Variants in CATSPERT observed in about 807,000 individuals in gnomAD.
CATSPERT encodes the protein cation channel sperm-associated targeting subunit tau.
the CATSPERT span, among the ~76,000 whole-genome samples, chr2:201,610,300 G>A: frequency 1.3e-5 from 2 of 151,390 alleles, no homozygotes; most frequent in Non-Finnish European, 2.9e-5. Flanking sequence ...TAAAATATAT[G>A]AAAAAAAATT....
the CATSPERT span, among the ~76,000 whole-genome samples, chr2:201,506,185 C>T: frequency 5.9e-5 from 9 of 152,038 alleles, no homozygotes; most frequent in African/African-American, 1.4e-4. Context: ...GAGAATGGCG[C>T]GAACCCGGGA....
At chr2:201,602,060 A>G in the CATSPERT span, among the ~76,000 whole-genome samples, 1 of 152,136 alleles carries the variant, frequency 6.6e-6, no homozygotes, top group Non-Finnish European at 1.5e-5. Flanking sequence ...TGGACACAAT[A>G]TAAGTAAAAG....
At chr2:201,589,607 A>C in the CATSPERT span, among the ~76,000 whole-genome samples, 1 of 152,178 alleles carries the variant, frequency 6.6e-6, no homozygotes, top group Non-Finnish European at 1.5e-5. Context: ...AATTCACTCA[A>C]GATTGATTAA....
chr2:201,569,218 T>A, the CATSPERT span, among the ~76,000 whole-genome samples: 1 of 152,168 alleles, frequency 6.6e-6, no homozygotes, highest in African/African-American at 2.4e-5. Context: ...TTAAAGGAGT[T>A]CTGAGTCTGT....
the CATSPERT span, chr2:201,491,467 TAA>T: frequency 6.5e-7 from 1 of 1,537,020 alleles, no homozygotes; most frequent in South Asian, 1.2e-5. Context: ...TGGTTTTATA[TAA>T]AGAGTTTGTA....
At chr2:201,545,422 G>T in the CATSPERT span, 1 of 627,534 alleles carries the variant, frequency 1.6e-6, no homozygotes, top group Non-Finnish European at 2.6e-6. Context: ...ATAGTGAAAT[G>T]CCTATTTATT....
the CATSPERT span, chr2:201,494,730 A>T: frequency 6.6e-7 from 1 of 1,521,658 alleles, no homozygotes; most frequent in Non-Finnish European, 8.8e-7. Context: ...TTAGAAAAGG[A>T]TCAAAACCGT....
the CATSPERT span, among the ~76,000 whole-genome samples, chr2:201,561,096 A>C: frequency 5.3e-5 from 8 of 152,186 alleles, no homozygotes. Flanking sequence ...CATGAATTCA[A>C]TTACACTCTT....
chr2:201,507,291 C>T, the CATSPERT span, among the ~76,000 whole-genome samples: 1 of 152,038 alleles, frequency 6.6e-6, no homozygotes, highest in African/African-American at 2.4e-5. Flanking sequence ...CAGAAACTAT[C>T]CAATACTAAA....
At chr2:201,518,408 GC>G in the CATSPERT span, among the ~76,000 whole-genome samples, 1 of 152,180 alleles carries the variant, frequency 6.6e-6, no homozygotes. Context: ...TGAGACTAAG[GC>G]TTTTGACTTG....
the CATSPERT span, among the ~76,000 whole-genome samples, chr2:201,584,594 C>T: frequency 0.012 from 1,822 of 152,020 alleles, 18 homozygotes; most frequent in Non-Finnish European, 0.02. Flanking sequence ...ACCAGCCTGA[C>T]CAACATGGTG....
the CATSPERT span, among the ~76,000 whole-genome samples, chr2:201,617,264 A>C: frequency 6.6e-6 from 1 of 152,334 alleles, no homozygotes; most frequent in East Asian, 1.9e-4. Context: ...ATCCTAAGCC[A>C]AAAGAACAAA....
the CATSPERT span, chr2:201,618,894 A>G: frequency 1.9e-6 from 3 of 1,612,554 alleles, no homozygotes; most frequent in Non-Finnish European, 2.5e-6. Flanking sequence ...GCCCCCGCTC[A>G]CTCACGTTCA....
At chr2:201,565,476 C>G in the CATSPERT span, among the ~76,000 whole-genome samples, 190 of 152,076 alleles carry the variant, frequency 1.2e-3, no homozygotes, top group African/African-American at 4.4e-3. Flanking sequence ...GAGTGAGACA[C>G]TGTTTCAAAA....
chr2:201,570,520 A>G, the CATSPERT span, among the ~76,000 whole-genome samples: 1 of 152,190 alleles, frequency 6.6e-6, no homozygotes, highest in African/African-American at 2.4e-5. Context: ...CTTTACATGT[A>G]ACTTATTTAA....
the CATSPERT span, chr2:201,547,567 T>C: frequency 4.1e-5 from 63 of 1,553,370 alleles, no homozygotes; most frequent in African/African-American, 8.0e-4. Context: ...GCTTTATCTA[T>C]CCATGTATTC....
At chr2:201,596,762 A>C in the CATSPERT span, among the ~76,000 whole-genome samples, 1 of 152,134 alleles carries the variant, frequency 6.6e-6, no homozygotes, top group African/African-American at 2.4e-5. Context: ...GAATGCTTTT[A>C]AGTCCTTCAA....
the CATSPERT span, among the ~76,000 whole-genome samples, chr2:201,598,961 C>T: frequency 6.6e-6 from 1 of 152,104 alleles, no homozygotes; most frequent in Non-Finnish European, 1.5e-5. Context: ...AACTAGAGAC[C>T]ATTCCTATAA....
the CATSPERT span, among the ~76,000 whole-genome samples, chr2:201,562,525 TA>T: frequency 9.9e-3 from 1,123 of 113,126 alleles, 7 homozygotes; most frequent in East Asian, 0.021. Context: ...TTTATTTATT[TA>T]TTTTTTTTAT....
Sources: gnomAD v4.1 joint callset for allele counts (sites outside exome capture counted in the v4.1 genomes callset) on GRCh38, gnomAD v4.1.1 for gene constraint, MANE v1.5 for transcripts, NCBI Gene and HGNC (gene_info 2026-07-23, HGNC 2026-07-21) for gene names.